The following NSD1 variants were observed in gnomAD, a reference collection of about 807,000 sequenced individuals.
The protein encoded by NSD1 is histone-lysine N-methyltransferase, H3 lysine-36 specific.
Under a neutral mutation model 242.7 loss-of-function variants are expected in NSD1, and 26 were observed. That is an observed-to-expected ratio of 0.11 (90% CI 0.08 to 0.15). NSD1 has a LOEUF of 0.15. NSD1 is among the 10% of genes least tolerant of loss of function. The pLI is 1.00. For missense variants in NSD1, 2,495 were observed against 3,272.8 expected (o/e 0.76, Z 5.80); for synonymous variants, 1,106 against 1,178.1 (o/e 0.94, Z 1.25).
intron 21 of NSD1, among the ~76,000 whole-genome samples, chr5:177,291,302 A>G (rs557632788): frequency 1.2e-4 from 18 of 152,350 alleles, no homozygotes; most frequent in African/African-American, 4.1e-4. Context: ...TGAACGAGAA[A>G]TAGGCATGTG....
At chr5:177,185,976 A>ATATATTATATATTTTATATTATATAATT (rs1562172248) in intron 2 of NSD1, among the ~76,000 whole-genome samples, 7 of 96,912 alleles carry the variant, frequency 7.2e-5, no homozygotes, top group Non-Finnish European at 1.1e-4. Flanking sequence ...TAACTATATT[A>ATATATTATATATTTTATATTATATAATT]TATATTATAT....
At chr5:177,191,151 A>G (rs1220557144) in intron 2 of NSD1, among the ~76,000 whole-genome samples, 2 of 150,134 alleles carry the variant, frequency 1.3e-5, no homozygotes, top group Admixed American at 1.3e-4. Flanking sequence ...TTGTATTTTT[A>G]GTAGAACAAG....
chr5:177,266,654 A>T, intron 14 of NSD1: 1 of 395,424 alleles, frequency 2.5e-6, no homozygotes, highest in Non-Finnish European at 4.3e-6. Flanking sequence ...TAGGATTTTA[A>T]GAGGTGAAAG....
intron 15 of NSD1, 148 bp downstream of exon 15, chr5:177,267,866 G>T (rs1373511593): frequency 1.3e-6 from 1 of 773,650 alleles, no homozygotes; most frequent in African/African-American, 1.8e-5. Context: ...CTTATAGGAA[G>T]AGAAACCTAA....
At chr5:177,133,497 C>T (rs1341782348), upstream of NSD1, 1 of 151,434 alleles carries the variant, frequency 6.6e-6, no homozygotes, top group Non-Finnish European at 1.5e-5. The surrounding 1 kb of genome is among the most constrained non-coding windows in gnomAD (Gnocchi z 6.2). Context: ...CCTCAGGCCC[C>T]GCCCGGGCAG....
At chr5:177,181,713 A>G (rs1760703030) in intron 2 of NSD1, among the ~76,000 whole-genome samples, 1 of 150,992 alleles carries the variant, frequency 6.6e-6, no homozygotes, top group Non-Finnish European at 1.5e-5. Context: ...GGTGTGAGCC[A>G]CTGTGCTTGG....
intron 20 of NSD1, among the ~76,000 whole-genome samples, chr5:177,287,118 A>G (rs992225965): frequency 6.6e-6 from 1 of 152,198 alleles, no homozygotes; most frequent in African/African-American, 2.4e-5. Flanking sequence ...TGATTGCTGC[A>G]TATTGAACTC....
At chr5:177,266,405 C>T (rs1430389215) in intron 14 of NSD1, 1 of 648,126 alleles carries the variant, frequency 1.5e-6, no homozygotes, top group South Asian at 1.5e-5. Context: ...GTGTCCGAGC[C>T]CACATCCAGC....
chr5:177,221,713 T>C (rs1004286154), intron 5 of NSD1, among the ~76,000 whole-genome samples: 2 of 152,086 alleles, frequency 1.3e-5, no homozygotes, highest in Non-Finnish European at 1.5e-5. Context: ...TTATGATCCG[T>C]CCATGTTAGC....
chr5:177,198,883 A>G (rs1045373650), intron 3 of NSD1, among the ~76,000 whole-genome samples: 2 of 152,210 alleles, frequency 1.3e-5, no homozygotes, highest in Admixed American at 6.6e-5. Context: ...ATGGAACCCC[A>G]TACTCTTTAG....
intron 2 of NSD1, among the ~76,000 whole-genome samples, chr5:177,153,237 G>A (rs1437707996): frequency 6.6e-6 from 1 of 150,442 alleles, no homozygotes; most frequent in Non-Finnish European, 1.5e-5. Flanking sequence ...ATTTCTTGAG[G>A]ATTAACTGCT....
rs1052096303 is a variant in NSD1 at position 177,299,117 on chromosome 5, A to G, written c.*3658A>G. The G allele has an allele frequency of 4.3e-5, 10 of 233,138 alleles. No individual in the cohort carries two copies. The highest frequency in any genetic ancestry group is 6.8e-5 in the Non-Finnish European group (8 of 118,030). 14.4% of individuals were successfully genotyped at this position (233,138 alleles called of 1,614,324 possible). ...AGCTGAGCTTCCTAGGGCCAGTGCAACAGGGCCAGAGGCTGCTATAGTGTA... is the reference window on the plus strand; with the variant it reads ...AGCTGAGCTTCCTAGGGCCAGTGCAGCAGGGCCAGAGGCTGCTATAGTGTA... On this transcript the variant is annotated 3_prime_UTR_variant, in exon 23 of 23. Coordinates refer to ENST00000439151, the MANE Select transcript of NSD1 (RefSeq NM_022455.5).
At chr5:177,208,941 C>A (rs574974206) in intron 4 of NSD1, among the ~76,000 whole-genome samples, 1 of 152,120 alleles carries the variant, frequency 6.6e-6, no homozygotes, top group East Asian at 1.9e-4. Flanking sequence ...GGTGATTCGT[C>A]CTCCTCAGCC....
At chr5:177,218,391 C>T (rs1298299008) in intron 5 of NSD1, among the ~76,000 whole-genome samples, 1 of 152,092 alleles carries the variant, frequency 6.6e-6, no homozygotes, top group Non-Finnish European at 1.5e-5. Context: ...GCTTTCTTTT[C>T]AGTCATGAAA....
At chr5:177,252,907 ATCTGGATGATACTTCC>A (rs1481629107) in intron 12 of NSD1, among the ~76,000 whole-genome samples, 1 of 151,370 alleles carries the variant, frequency 6.6e-6, no homozygotes, top group Admixed American at 6.6e-5. Context: ...GAAGCTGCAC[ATCTGGATGATACTTCC>A]CAAAGAAAAA....
chr5:177,266,613 C>A (rs1017215462), intron 14 of NSD1: 3 of 612,474 alleles, frequency 4.9e-6, no homozygotes, highest in African/African-American at 1.9e-5. Context: ...ACTCCTCTTC[C>A]GGCCGCCAAG....
At chr5:177,152,076 A>G (rs935806160) in intron 2 of NSD1, among the ~76,000 whole-genome samples, 1 of 151,668 alleles carries the variant, frequency 6.6e-6, no homozygotes, top group African/African-American at 2.4e-5. Flanking sequence ...TAGCCAGGAT[A>G]GTCTCGTTCT....
intron 5 of NSD1, among the ~76,000 whole-genome samples, chr5:177,231,759 T>C (rs2149878521): frequency 1.3e-5 from 2 of 152,236 alleles, no homozygotes; most frequent in East Asian, 3.9e-4. Context: ...CAAAATTCCA[T>C]TTTTAATCTT....
At chr5:177,213,551 T>G (rs1010230601) in intron 5 of NSD1, among the ~76,000 whole-genome samples, 14 of 152,308 alleles carry the variant, frequency 9.2e-5, no homozygotes, top group African/African-American at 3.4e-4. Context: ...CACTGCAGGC[T>G]CCGCCTCCCG....
Sources: gnomAD v4.1 joint callset for allele counts (sites outside exome capture counted in the v4.1 genomes callset) on GRCh38, gnomAD v4.1.1 for gene constraint, Gnocchi (gnomAD v3.1) non-coding constraint, MANE v1.5 for transcripts, NCBI Gene and HGNC (gene_info 2026-07-23, HGNC 2026-07-21) for gene names.